Variants in PLEKHM3 observed in about 807,000 individuals in gnomAD.
The protein encoded by PLEKHM3 is pleckstrin homology domain-containing family M member 3.
Under a neutral mutation model 81.8 loss-of-function variants are expected in PLEKHM3, and 45 were observed. The observed-to-expected ratio is 0.55, with a 90% CI of 0.43 to 0.71. The LOEUF (loss-of-function observed/expected upper bound fraction) is 0.71, where lower values mean the gene tolerates loss of function less well. Ranked by LOEUF, PLEKHM3 falls within the 30% of genes least tolerant of loss-of-function variation. PLEKHM3 has a pLI of 0.00. For missense variants in PLEKHM3, 788 were observed against 924.3 expected, an observed-to-expected ratio of 0.85 and a Z score of 1.91; for synonymous variants, 352 against 356.4, an observed-to-expected ratio of 0.99 and a Z score of 0.14.
intron 5 of PLEKHM3, among the ~76,000 whole-genome samples, chr2:207,921,592 T>C (rs887856355): frequency 2.6e-5 from 4 of 152,202 alleles, no homozygotes; most frequent in East Asian, 1.9e-4. Flanking sequence ...TACAGTGCTA[T>C]AGAATGCCAG....
chr2:208,008,889 ACTT>A (rs1424388471), intron 1 of PLEKHM3, among the ~76,000 whole-genome samples: 3 of 152,156 alleles, frequency 2.0e-5, no homozygotes, highest in Non-Finnish European at 4.4e-5. Context: ...AACTCCAATA[ACTT>A]CTTCTATATT....
chr2:207,848,485 A>C (rs1159998333), intron 7 of PLEKHM3, among the ~76,000 whole-genome samples: 1 of 152,238 alleles, frequency 6.6e-6, no homozygotes, highest in Non-Finnish European at 1.5e-5. Flanking sequence ...GGGCAACAGA[A>C]AACACAGCTC....
chr2:207,990,363 T>G (rs1691858104), intron 2 of PLEKHM3, among the ~76,000 whole-genome samples: 1 of 152,182 alleles, frequency 6.6e-6, no homozygotes. Context: ...CTTTCCACCT[T>G]GACTTTGTGC....
intron 1 of PLEKHM3, among the ~76,000 whole-genome samples, chr2:208,010,918 T>C (rs980593352): frequency 6.6e-6 from 1 of 152,098 alleles, no homozygotes; most frequent in Non-Finnish European, 1.5e-5. Context: ...ATTTTTCACA[T>C]GCATGGTTTA....
At chr2:207,873,445 T>C (rs879588524) in intron 6 of PLEKHM3, among the ~76,000 whole-genome samples, 9 of 152,232 alleles carry the variant, frequency 5.9e-5, no homozygotes, top group Admixed American at 2.6e-4. Flanking sequence ...AATTTGAAGA[T>C]TGTACGATTT....
chr2:207,897,551 A>T (rs1342462239), intron 6 of PLEKHM3, among the ~76,000 whole-genome samples: 3 of 152,198 alleles, frequency 2.0e-5, no homozygotes, highest in Non-Finnish European at 4.4e-5. Context: ...AAGAGAAGTG[A>T]CTTGCCCAAG....
intron 3 of PLEKHM3, among the ~76,000 whole-genome samples, chr2:207,947,176 A>G: frequency 6.6e-6 from 1 of 152,168 alleles, no homozygotes; most frequent in East Asian, 1.9e-4. Flanking sequence ...TAATCACTTT[A>G]TTCCAGTCAG....
At chr2:207,908,406 T>C in intron 6 of PLEKHM3, 108 bp downstream of exon 6, 1 of 1,012,462 alleles carries the variant, frequency 9.9e-7, no homozygotes, top group Non-Finnish European at 1.5e-6. Flanking sequence ...TCAGGGTTTC[T>C]GATGAAAACT....
intron 2 of PLEKHM3, among the ~76,000 whole-genome samples, chr2:207,979,488 C>A (rs146685335): frequency 8.5e-4 from 128 of 150,514 alleles, no homozygotes; most frequent in Middle Eastern, 3.4e-3. Flanking sequence ...GAGCTGAGAT[C>A]ATGCCATTGC....
chr2:207,992,592 G>C (rs1691934105), intron 2 of PLEKHM3, among the ~76,000 whole-genome samples: 1 of 152,086 alleles, frequency 6.6e-6, no homozygotes, highest in Non-Finnish European at 1.5e-5. Flanking sequence ...GTTCATGCTT[G>C]GTACAGTACA....
chr2:207,969,313 A>G (rs1460870980), intron 3 of PLEKHM3, among the ~76,000 whole-genome samples: 1 of 152,250 alleles, frequency 6.6e-6, no homozygotes, highest in Non-Finnish European at 1.5e-5. Context: ...GCTATTCTAC[A>G]TGATTTACCC....
At position 207,851,012 on chromosome 2, in the gene PLEKHM3, G is replaced by A. The variant is rs542443331; in HGVS notation, c.2108+10093C>T. On this transcript the variant is annotated intron_variant, in intron 7 of 7. Coordinates refer to ENST00000427836, the MANE Select transcript of PLEKHM3 (RefSeq NM_001080475.3). ...TACTAAAAATACAAAAATTAGCTGG[G>A]CGTCGTGGCACGCACCTGTAATCCC... is the stretch of plus-strand genomic sequence containing the variant. Among the ~76,000 whole-genome samples, 11 of 152,180 alleles carry A rather than the reference G, an allele frequency of 7.2e-5. No individual in the cohort carries two copies. In the East Asian group the frequency reaches 1.7e-3, roughly 24 times the overall value.
intron 6 of PLEKHM3, among the ~76,000 whole-genome samples, chr2:207,903,839 A>C (rs1417903579): frequency 6.6e-6 from 1 of 152,250 alleles, no homozygotes; most frequent in Non-Finnish European, 1.5e-5. Flanking sequence ...CTGACGCCAA[A>C]AGTTAAGGCA....
chr2:207,854,897 T>C (rs961701825), intron 7 of PLEKHM3, among the ~76,000 whole-genome samples: 6 of 152,206 alleles, frequency 3.9e-5, no homozygotes, highest in Non-Finnish European at 8.8e-5. Flanking sequence ...AGTGATTCTT[T>C]TTTCTGGGGT....
rs1362664541 is a variant in PLEKHM3, at chr2:207,824,308, C to T, written c.*4011G>A. 1 of 152,178 alleles carries T rather than the reference C, an allele frequency of 6.6e-6. No homozygotes were observed. The highest frequency in any genetic ancestry group is 2.4e-5 in the African/African-American group (1 of 41,434). 9.4% of individuals were successfully genotyped at this position (152,178 alleles called of 1,614,324 possible). A position where few individuals can be genotyped will look rare whatever the true frequency, so the allele number is the denominator to read the frequency against. On this transcript the variant is annotated 3_prime_UTR_variant, in exon 8 of 8. Transcript: ENST00000427836. ...AAATGGGCAAAAATTATACACATCT[C>T]TATTTACTAGGAGAAGTAAAAAAAT...
chr2:208,007,393 A>G (rs1692528925), intron 1 of PLEKHM3, among the ~76,000 whole-genome samples: 1 of 152,158 alleles, frequency 6.6e-6, no homozygotes, highest in South Asian at 2.1e-4. Context: ...CTACATGGTG[A>G]CGTAAGGATG....
At position 207,826,713 on chromosome 2, in the gene PLEKHM3, C is replaced by A. The variant is rs892510675; in HGVS notation, c.*1606G>T. ...GGAAGCGGCGTGTGGGGGAAAGGAG[C>A]AATGGGGTTGAATGTACCAAGTATG... On this transcript the variant is annotated 3_prime_UTR_variant, in exon 8 of 8. Coordinates refer to ENST00000427836, the MANE Select transcript of PLEKHM3 (RefSeq NM_001080475.3). The A allele has an allele frequency of 6.6e-6, 1 of 152,070 alleles. No homozygotes were observed. The highest frequency in any genetic ancestry group is 1.5e-5 in the Non-Finnish European group (1 of 68,008). The allele number at this position is 152,070 out of a possible 1,614,324, so 9.4% of individuals were successfully genotyped here. A position where few individuals can be genotyped will look rare whatever the true frequency, so the allele number is the denominator to read the frequency against.
chr2:207,989,324 G>C (rs1298902977), intron 2 of PLEKHM3, among the ~76,000 whole-genome samples: 1 of 152,192 alleles, frequency 6.6e-6, no homozygotes, highest in Non-Finnish European at 1.5e-5. Context: ...AGAGAAGAAA[G>C]AGAGGGCTTT....
rs954353220 is a variant in PLEKHM3, at chr2:208,006,397, C to T, written c.-318-4440G>A. On this transcript the variant is annotated intron_variant, in intron 1 of 7. Coordinates refer to ENST00000427836, the MANE Select transcript of PLEKHM3 (RefSeq NM_001080475.3). ...CAGCATGTGGGTGCAGTGTGGCTTG[C>T]CTCAGTACAAAACTGGAAATCAGGA... is the stretch of plus-strand genomic sequence containing the variant. 2.6e-5 allele frequency among the ~76,000 whole-genome samples: 4 copies of T among 152,148 alleles called. No homozygotes were observed. In the East Asian group the frequency reaches 5.8e-4, roughly 22 times the overall value.
Sources: allele counts gnomAD v4.1 joint callset (sites outside exome capture counted in the v4.1 genomes callset), GRCh38; gene constraint gnomAD v4.1.1; transcripts MANE v1.5; gene names NCBI Gene and HGNC (gene_info 2026-07-23, HGNC 2026-07-21).